ATP6V0A1: variants seen among roughly 807,000 people sequenced by gnomAD.
ATP6V0A1 encodes the protein ATPase H+ transporting V0 subunit a1.
ATP6V0A1 carries 43 observed loss-of-function variants against 105.4 expected under a neutral mutation model. That is an observed-to-expected ratio of 0.41 (90% confidence interval 0.32 to 0.53). ATP6V0A1 has a LOEUF of 0.53. Ranked by LOEUF, ATP6V0A1 falls within the 20% of genes least tolerant of loss-of-function variation. The pLI is 0.30. For synonymous variants in ATP6V0A1, 362 were observed against 372.8 expected (o/e 0.97, Z 0.33); for missense variants, 676 against 1,051.1 (o/e 0.64, Z 4.93).
chr17:42,516,642 G>T (rs921110893), intron 21 of ATP6V0A1, among the ~76,000 whole-genome samples: 2 of 152,216 alleles, frequency 1.3e-5, no homozygotes, highest in Non-Finnish European at 2.9e-5. Context: ...TGGGTAGCCG[G>T]TCATCTCCCT....
At chr17:42,470,274 G>A (rs1315800023) in intron 5 of ATP6V0A1, 56 bp downstream of exon 5, 1 of 1,581,458 alleles carries the variant, frequency 6.3e-7, no homozygotes, top group Non-Finnish European at 8.6e-7. Flanking sequence ...TCACACAAGT[G>A]GGCCATATTT....
chr17:42,508,524 C>T, intron 18 of ATP6V0A1, 48 bp from the exon 19 acceptor site: 2 of 1,612,700 alleles, frequency 1.2e-6, no homozygotes, highest in Non-Finnish European at 1.7e-6. Context: ...AACTTGTGAC[C>T]TTGTGTGTGG....
At chr17:42,492,518 C>T (rs549370252) in intron 11 of ATP6V0A1, among the ~76,000 whole-genome samples, 18 of 151,096 alleles carry the variant, frequency 1.2e-4, no homozygotes, top group Middle Eastern at 3.4e-3. Context: ...ACCAGCCTGA[C>T]CAACATGGAG....
intron 19 of ATP6V0A1, chr17:42,511,032 G>A (rs1173153759): frequency 6.6e-6 from 1 of 152,212 alleles, no homozygotes; most frequent in Non-Finnish European, 1.5e-5. Flanking sequence ...TGATCTCGGT[G>A]TGGTCAGAGG....
chr17:42,500,650 TGTA>T, intron 15 of ATP6V0A1, 54 bp from the exon 16 acceptor site: 1 of 1,359,176 alleles, frequency 7.4e-7, no homozygotes, highest in Non-Finnish European at 1.0e-6. Flanking sequence ...CTCCATTCAG[TGTA>T]GGAGTGGCCC....
At chr17:42,485,646 C>A (rs2090035799) in intron 9 of ATP6V0A1, among the ~76,000 whole-genome samples, 1 of 152,150 alleles carries the variant, frequency 6.6e-6, no homozygotes, top group Non-Finnish European at 1.5e-5. Context: ...CCTTGACCGA[C>A]TAGGCTCAAA....
intron 5 of ATP6V0A1, among the ~76,000 whole-genome samples, chr17:42,474,481 T>C (rs946405592): frequency 5.9e-5 from 9 of 152,180 alleles, no homozygotes; most frequent in Admixed American, 5.2e-4. Context: ...TGCCTGTTCT[T>C]GCACTAGCTC....
rs374388783 is a variant in ATP6V0A1 at position 42,514,277 on chromosome 17, C to T, written c.2249-12C>T. On this transcript the variant is annotated splice_polypyrimidine_tract_variant and intron_variant, in intron 20 of 21. Transcript: ENST00000343619. ...CCAAACTGCACTGGATTTTGTGTCT[C>T]CCATTCCCCAGAGCTGTCTGAGGTG... 8.9e-6 allele frequency: 14 copies of T among 1,565,302 alleles called. No individual in the cohort carries two copies. The highest frequency in any genetic ancestry group is 1.4e-5 in the African/African-American group (1 of 73,352).
At position 42,480,777 on chromosome 17, in the gene ATP6V0A1, T is replaced by G. The variant is rs528394339; in HGVS notation, c.716+28T>G. On this transcript the variant is annotated intron_variant, in intron 8 of 21. Transcript: ENST00000343619. ...AAGAGAGGCATGCCTCTACCAGGAG[T>G]GCACAGCCATGCTGCCCAACTGTTG... 4 of 1,593,088 alleles carry G rather than the reference T, an allele frequency of 2.5e-6. No individual in the cohort carries two copies. In the African/African-American group the frequency reaches 5.4e-5, roughly 21 times the overall value.
At chr17:42,474,589 G>A (rs78114781) in intron 5 of ATP6V0A1, among the ~76,000 whole-genome samples, 3,989 of 152,266 alleles carry the variant, frequency 0.026, 78 homozygotes, top group Non-Finnish European at 0.04. Flanking sequence ...GCACATGCGC[G>A]TGCACTTCAA....
At chr17:42,519,817 C>A (rs2092766011) in intron 21 of ATP6V0A1, 1 of 152,304 alleles carries the variant, frequency 6.6e-6, no homozygotes, top group Non-Finnish European at 1.5e-5. Context: ...GGGAAGAAAG[C>A]TGACTGCTTT....
intron 2 of ATP6V0A1, 67 bp downstream of exon 2, chr17:42,461,078 A>G (rs1472987839): frequency 3.1e-6 from 4 of 1,308,584 alleles, no homozygotes; most frequent in Non-Finnish European, 4.4e-6. Flanking sequence ...CAGATGCCTT[A>G]TGATGAATGT....
intron 15 of ATP6V0A1, 47 bp downstream of exon 15, chr17:42,499,089 T>C (rs372973169): frequency 1.5e-6 from 2 of 1,342,144 alleles, no homozygotes; most frequent in African/African-American, 1.5e-5. Flanking sequence ...GTTTAGAGAA[T>C]GCTTTTGTGT....
At chr17:42,499,796 A>G (rs1285808307) in intron 15 of ATP6V0A1, among the ~76,000 whole-genome samples, 1 of 152,116 alleles carries the variant, frequency 6.6e-6, no homozygotes, top group Non-Finnish European at 1.5e-5. Flanking sequence ...TCAAAAAAAA[A>G]AAAAATGTTG....
Position 42,501,317 on chromosome 17 carries a change from C to G in ATP6V0A1, c.2004+13C>G. The stretch of plus-strand genomic sequence containing the variant: ...GAGAAAGCATTTGGTAGGTGTATTT[C>G]TATTGCTAAAAGTTACTAGACTTTT... On this transcript the variant is annotated intron_variant, in intron 17 of 21. Coordinates refer to ENST00000343619, the MANE Select transcript of ATP6V0A1 (RefSeq NM_001130021.3). 6.3e-7 allele frequency: 1 copy of G among 1,598,134 alleles called. No individual in the cohort carries two copies. The highest frequency in any genetic ancestry group is 8.6e-7 in the Non-Finnish European group (1 of 1,167,202).
intron 10 of ATP6V0A1, among the ~76,000 whole-genome samples, chr17:42,487,674 G>C (rs2090235260): frequency 6.6e-6 from 1 of 152,072 alleles, no homozygotes; most frequent in Admixed American, 6.5e-5. Flanking sequence ...CTTGCAGTGA[G>C]CTGAGATTGC....
intron 21 of ATP6V0A1, among the ~76,000 whole-genome samples, chr17:42,514,915 G>A (rs1217911940): frequency 6.6e-6 from 1 of 152,114 alleles, no homozygotes; most frequent in Non-Finnish European, 1.5e-5. Context: ...TTGTGCCAGG[G>A]GTCTTTGAGT....
intron 5 of ATP6V0A1, chr17:42,470,801 A>G (rs943259726): frequency 3.3e-5 from 5 of 153,782 alleles, no homozygotes; most frequent in African/African-American, 9.6e-5. Context: ...CCTCAGAGGG[A>G]AAAATGTTAG....
chr17:42,467,351 C>T (rs2087226400), intron 3 of ATP6V0A1, among the ~76,000 whole-genome samples: 1 of 152,140 alleles, frequency 6.6e-6, no homozygotes, highest in African/African-American at 2.4e-5. Context: ...TATTTGAAGC[C>T]AGGTTGCTCT....
Sources: gnomAD v4.1 joint callset for allele counts (sites outside exome capture counted in the v4.1 genomes callset) on GRCh38, gnomAD v4.1.1 for gene constraint, MANE v1.5 for transcripts, NCBI Gene and HGNC (gene_info 2026-07-23, HGNC 2026-07-21) for gene names.